Variants in EXOC6B observed in about 807,000 individuals in gnomAD.
EXOC6B encodes the protein exocyst complex component 6B, also known as SEC15 homolog B.
EXOC6B carries 54 observed loss-of-function variants against 113.5 expected under a neutral mutation model. The observed-to-expected ratio is 0.48, with a 90% CI of 0.38 to 0.60. The LOEUF (loss-of-function observed/expected upper bound fraction) is 0.60, where lower values mean the gene tolerates loss of function less well. EXOC6B is among the 20% of genes least tolerant of loss of function. The probability of loss-of-function intolerance (pLI) is 0.00; values close to 1 mark genes in which losing one functional copy is unlikely to be tolerated. For synonymous variants in EXOC6B, 357 were observed against 339.0 expected (o/e 1.05, Z -0.58); for missense variants, 797 against 977.5 (o/e 0.82, Z 2.46).
intron 16 of EXOC6B, among the ~76,000 whole-genome samples, chr2:72,484,976 T>C (rs1699341463): frequency 6.6e-6 from 1 of 152,232 alleles, no homozygotes; most frequent in Non-Finnish European, 1.5e-5. Context: ...CCTTTGGGTA[T>C]ATACCCAGTA....
In EXOC6B at chr2:72,741,280, C is replaced by G. The variant is rs1573721897; in HGVS notation, c.279+24G>C. On this transcript the variant is annotated intron_variant, in intron 2 of 21. Coordinates refer to ENST00000272427, the MANE Select transcript of EXOC6B (RefSeq NM_015189.3). ...AAAACCCCAACACAGGACGGAGAAA[C>G]AGTATCTCTTAGAGCCTTCTTACTT... 3.1e-6 allele frequency: 5 copies of G among 1,597,362 alleles called. No homozygotes were observed. In the East Asian group the frequency reaches 1.1e-4, roughly 36 times the overall value.
intron 19 of EXOC6B, among the ~76,000 whole-genome samples, chr2:72,377,901 T>G (rs1691450604): frequency 6.6e-6 from 1 of 151,922 alleles, no homozygotes; most frequent in Non-Finnish European, 1.5e-5. Flanking sequence ...TAGCTCAATT[T>G]AGCCACTCCA....
chr2:72,626,846 T>C (rs1468437080), intron 6 of EXOC6B, among the ~76,000 whole-genome samples: 1 of 152,180 alleles, frequency 6.6e-6, no homozygotes, highest in Non-Finnish European at 1.5e-5. Context: ...AATATATTTG[T>C]TAGCCACCTA....
intron 20 of EXOC6B, among the ~76,000 whole-genome samples, chr2:72,312,372 T>C (rs1199392019): frequency 6.6e-6 from 1 of 152,062 alleles, no homozygotes; most frequent in East Asian, 1.9e-4. Context: ...TTGAAAAGTA[T>C]TAATTAAAAG....
At chr2:72,654,897 G>A (rs1359879900) in intron 6 of EXOC6B, among the ~76,000 whole-genome samples, 1 of 152,158 alleles carries the variant, frequency 6.6e-6, no homozygotes, top group Admixed American at 6.5e-5. Flanking sequence ...TAAAGAGACA[G>A]GAATACTGAT....
intron 1 of EXOC6B, among the ~76,000 whole-genome samples, chr2:72,751,015 G>GT (rs1682000142): frequency 6.6e-6 from 1 of 151,840 alleles, no homozygotes; most frequent in African/African-American, 2.4e-5. Flanking sequence ...AAATAAATGT[G>GT]TAAGATGTTT....
intron 6 of EXOC6B, among the ~76,000 whole-genome samples, chr2:72,601,492 C>A (rs1670436528): frequency 6.6e-6 from 1 of 152,042 alleles, no homozygotes; most frequent in Non-Finnish European, 1.5e-5. Context: ...GCCTGTATGG[C>A]TAAAATTTTT....
At chr2:72,288,970 G>A in intron 20 of EXOC6B, 1 of 236,754 alleles carries the variant, frequency 4.2e-6, no homozygotes, top group Admixed American at 4.3e-5. Flanking sequence ...CAGATTTGCT[G>A]TGCAACTCAA....
chr2:72,274,008 T>G (rs2192015), intron 20 of EXOC6B, among the ~76,000 whole-genome samples: 1 of 151,888 alleles, frequency 6.6e-6, no homozygotes, highest in African/African-American at 2.4e-5. Context: ...CTATAGACAA[T>G]ATAATAAGAG....
intron 8 of EXOC6B, among the ~76,000 whole-genome samples, chr2:72,546,586 G>A (rs1034921959): frequency 1.3e-5 from 2 of 152,162 alleles, no homozygotes; most frequent in Non-Finnish European, 2.9e-5. Context: ...CAATTACTAT[G>A]CTCAGGGAGA....
intron 20 of EXOC6B, among the ~76,000 whole-genome samples, chr2:72,224,031 C>T (rs1307627494): frequency 6.6e-6 from 1 of 152,068 alleles, no homozygotes; most frequent in Non-Finnish European, 1.5e-5. Context: ...TTTATTTAAG[C>T]TCCAATTTTT....
intron 19 of EXOC6B, among the ~76,000 whole-genome samples, chr2:72,355,779 C>A (rs1185521253): frequency 6.6e-6 from 1 of 152,188 alleles, no homozygotes; most frequent in East Asian, 1.9e-4. Context: ...CTGAAACACA[C>A]AACATGTCCT....
intron 18 of EXOC6B, among the ~76,000 whole-genome samples, chr2:72,454,328 A>AC (rs1218604124): frequency 6.6e-6 from 1 of 152,014 alleles, no homozygotes; most frequent in Non-Finnish European, 1.5e-5. Context: ...ACATAGTGAG[A>AC]CCCCATCTCA....
chr2:72,247,237 G>A (rs1384586941), intron 20 of EXOC6B, among the ~76,000 whole-genome samples: 1 of 152,220 alleles, frequency 6.6e-6, no homozygotes, highest in South Asian at 2.1e-4. Flanking sequence ...TATTCCCATC[G>A]CAGAAATGAA....
chr2:72,721,556 A>G (rs529145429), intron 5 of EXOC6B, among the ~76,000 whole-genome samples: 9 of 152,106 alleles, frequency 5.9e-5, no homozygotes, highest in African/African-American at 1.9e-4. Flanking sequence ...GCCAGCTGAC[A>G]AACAGGTTTT....
At chr2:72,573,265 C>A (rs113293241) in intron 7 of EXOC6B, among the ~76,000 whole-genome samples, 48 of 152,180 alleles carry the variant, frequency 3.2e-4, no homozygotes, top group Non-Finnish European at 5.7e-4. Context: ...TCCAAGGGCA[C>A]AGACTATGTC....
intron 1 of EXOC6B, among the ~76,000 whole-genome samples, chr2:72,794,723 G>A (rs1269757772): frequency 6.6e-6 from 1 of 152,096 alleles, no homozygotes; most frequent in Admixed American, 6.6e-5. Context: ...GGAAACAAAC[G>A]TGAACAAGTA....
chr2:72,651,615 A>C (rs1573558476), intron 6 of EXOC6B, among the ~76,000 whole-genome samples: 1 of 152,154 alleles, frequency 6.6e-6, no homozygotes, highest in African/African-American at 2.4e-5. Flanking sequence ...ACTAAGTAAC[A>C]CTTTGTGACT....
chr2:72,770,585 T>C (rs1683359028), intron 1 of EXOC6B, among the ~76,000 whole-genome samples: 1 of 152,232 alleles, frequency 6.6e-6, no homozygotes, highest in South Asian at 2.1e-4. Flanking sequence ...CAGGTTTTCT[T>C]GCCAAATGAA....
Sources: allele counts gnomAD v4.1 joint callset (sites outside exome capture counted in the v4.1 genomes callset), GRCh38; gene constraint gnomAD v4.1.1; transcripts MANE v1.5; gene names NCBI Gene and HGNC (gene_info 2026-07-23, HGNC 2026-07-21).